The following ZZEF1 variants were observed in gnomAD, a reference collection of about 807,000 sequenced individuals.
ZZEF1 encodes zinc finger ZZ-type and EF-hand domain-containing protein 1.
In ZZEF1, 157 loss-of-function variants were observed where a neutral mutation model predicts 342.8. The ratio of observed to expected loss-of-function variants is 0.46; its 90% CI spans 0.40 to 0.52. The LOEUF (loss-of-function observed/expected upper bound fraction) is 0.52, where lower values mean the gene tolerates loss of function less well. ZZEF1 is among the 20% of genes least tolerant of loss of function. ZZEF1 has a pLI of 0.00. For missense variants in ZZEF1, 3,480 were observed against 3,725.6 expected (o/e 0.93, Z 1.72); for synonymous variants, 1,505 against 1,429.1 (o/e 1.05, Z -1.20).
intron 5 of ZZEF1, among the ~76,000 whole-genome samples, chr17:4,111,925 A>G (rs1158666279): frequency 6.9e-6 from 1 of 144,224 alleles, no homozygotes; most frequent in Non-Finnish European, 1.5e-5. Flanking sequence ...CATTCCAGCT[A>G]CTGAGACTGA....
Position 4,009,740 on chromosome 17 carries a change from G to A in ZZEF1, c.8597C>T (p.Ala2866Val), listed in dbSNP as rs140548812. ...GAGCTGCCACAGGGGCTTCAACAGC[G>A]CAAGGTCACACAGGTCACTGCAGGA... is the stretch of plus-strand genomic sequence containing the variant. ...CCGHSDLCDLALLKPLWQLFT... is the reference protein window; with the variant it reads ...CCGHSDLCDLVLLKPLWQLFT... Residue 2866 changes from alanine (A) to valine (V), a missense_variant, in exon 53 of 55, where the codon GCG becomes GTG. Physicochemically the swap from Ala to Val is moderately conservative, Grantham distance 64 (BLOSUM62 0). Around this residue, in one of 5 missense-constraint regions of ZZEF1, gnomAD observed 1,269 missense variants for 1,342.4 expected, o/e 0.95. Coordinates refer to ENST00000381638, the MANE Select transcript of ZZEF1 (RefSeq NM_015113.4). 3.2e-5 allele frequency: 52 copies of A among 1,614,048 alleles called. No individual in the cohort carries two copies. The East Asian group carries it at 7.1e-4, about 22-fold the overall frequency.
chr17:4,097,926 CAAAAA>C (rs541461547), intron 9 of ZZEF1, among the ~76,000 whole-genome samples: 2 of 63,672 alleles, frequency 3.1e-5, no homozygotes, highest in African/African-American at 6.1e-5. Context: ...CCATTTCTAC[CAAAAA>C]AAAAAAAAAA....
intron 16 of ZZEF1, among the ~76,000 whole-genome samples, chr17:4,083,547 T>C (rs1172544608): frequency 6.6e-6 from 1 of 152,148 alleles, no homozygotes; most frequent in Non-Finnish European, 1.5e-5. Context: ...CTCTTGCATA[T>C]GGAATAAGTT....
chr17:4,050,815 G>A lies in ZZEF1; in HGVS notation c.5829C>T (p.Val1943=), dbSNP rs553800356. The A allele has an allele frequency of 1.4e-5, 22 of 1,614,126 alleles. No homozygotes were observed. The African/African-American group carries it at 2.0e-4, about 15-fold the overall frequency. The stretch of plus-strand genomic sequence containing the variant: ...GATGAGCCTTCATCAGACAGTCCCC[G>A]ACGAGCTGCATGCACTGGCTCCGCA... ...TTLRSQCMQL[V]GDCLMKAHQG... Residue 1943 remains valine, a synonymous_variant, in exon 36 of 55, where the codon GTC becomes GTT. Coordinates refer to ENST00000381638, the MANE Select transcript of ZZEF1 (RefSeq NM_015113.4).
chr17:4,121,267 G>C (rs1283490302), intron 2 of ZZEF1, among the ~76,000 whole-genome samples: 2 of 152,196 alleles, frequency 1.3e-5, no homozygotes, highest in Non-Finnish European at 2.9e-5. Flanking sequence ...AGCTCCTGAT[G>C]CTATCCACAT....
Position 4,064,670 on chromosome 17 carries a change from A to G in ZZEF1, c.4409T>C (p.Phe1470Ser). Residue 1470 changes from phenylalanine (F) to serine (S), a missense_variant, in exon 29 of 55, where the codon TTC (phenylalanine) becomes TCC (serine). By Grantham distance (155) the Phe-to-Ser change is radical (BLOSUM62 -2). Transcript: ENST00000381638. ...TTCAGTGGGAGATACTGAGGCTTGG[A>G]AATGCTCTTCCACCACAGAGCTTGT... ...QRTSSVVEEH[F>S]QASVSPTEAA... 1 of 1,614,174 alleles carries G rather than the reference A, an allele frequency of 6.2e-7. No individual in the cohort carries two copies. Among genetic ancestry groups the G allele is most frequent in the Non-Finnish European group, 8.5e-7 (1 of 1,180,028 alleles).
rs1211024860 is a variant in ZZEF1 at position 4,009,668 on chromosome 17, C to T, written c.8669G>A (p.Gly2890Asp). The T allele has an allele frequency of 1.9e-6, 3 of 1,613,958 alleles. No individual in the cohort carries two copies. The highest frequency in any genetic ancestry group is 2.5e-6 in the Non-Finnish European group (3 of 1,180,050). Reference sequence around the variant, plus strand: ...GGCACGATGCAGGGGAAGGAGGATGCCGGGCTGCGTCACGTCCTCAAACAG... The same window carrying T: ...GGCACGATGCAGGGGAAGGAGGATGTCGGGCTGCGTCACGTCCTCAAACAG... ...YGLFEDVTQPGILLPLHRALT... is the reference protein window; with the variant it reads ...YGLFEDVTQPDILLPLHRALT... Residue 2890 changes from glycine to aspartate, a missense_variant, in exon 53 of 55, where the codon GGC becomes GAC. Transcript: ENST00000381638.
Position 4,022,848 on chromosome 17 carries a change from T to A in ZZEF1, c.7093-20A>T. 6.2e-7 allele frequency: 1 copy of A among 1,612,830 alleles called. No individual in the cohort carries two copies. Among genetic ancestry groups the A allele is most frequent in the Non-Finnish European group, 8.5e-7 (1 of 1,179,300 alleles). On this transcript the variant is annotated intron_variant, in intron 43 of 54. Coordinates refer to ENST00000381638, the MANE Select transcript of ZZEF1 (RefSeq NM_015113.4). The stretch of plus-strand genomic sequence containing the variant: ...GTGAGCCTGCCAAGCAGAAGAAGAA[T>A]GATGTGTGACTGCCTTGGAGTGAAG...
intron 1 of ZZEF1, among the ~76,000 whole-genome samples, chr17:4,134,825 T>C (rs2058722955): frequency 6.6e-6 from 1 of 151,732 alleles, no homozygotes; most frequent in Non-Finnish European, 1.5e-5. Flanking sequence ...TTAGGGGAAA[T>C]GGCCCAGAAA....
At chr17:4,100,474 G>A (rs2058108620) in intron 9 of ZZEF1, among the ~76,000 whole-genome samples, 1 of 152,166 alleles carries the variant, frequency 6.6e-6, no homozygotes, top group African/African-American at 2.4e-5. Context: ...AAAGCAGGAA[G>A]GAGAACTGGG....
chr17:4,049,626 C>T, intron 37 of ZZEF1, 82 bp downstream of exon 37: 1 of 1,546,182 alleles, frequency 6.5e-7, no homozygotes, highest in South Asian at 1.2e-5. Flanking sequence ...GTGCTCTTAA[C>T]CTCTCTGCTA....
At position 4,109,706 on chromosome 17, in the gene ZZEF1, C is replaced by T. The variant is rs769344006; in HGVS notation, c.1224G>A (p.Thr408=). The change falls in exon 6 of 55, where the codon ACG becomes ACA. Residue 408 remains threonine, a synonymous_variant. Coordinates refer to ENST00000381638, the MANE Select transcript of ZZEF1 (RefSeq NM_015113.4). ...AGGCGGGATTTGTCTCCATAGAAGC[C>T]GTCACCAGAGATGTCAGCAGAGACC... ...WYWSLLTSLV[T]ASMETNPAFV... The T allele has an allele frequency of 8.1e-6, 13 of 1,614,130 alleles. No homozygotes were observed. The highest frequency in any genetic ancestry group is 1.0e-5 in the Non-Finnish European group (12 of 1,180,016).
chr17:4,089,482 A>C (rs2057904228), intron 12 of ZZEF1, among the ~76,000 whole-genome samples: 1 of 152,220 alleles, frequency 6.6e-6, no homozygotes, highest in African/African-American at 2.4e-5. Context: ...TTACTTATTT[A>C]AGCCTGAGAT....
chr17:4,053,224 T>C lies in ZZEF1; in HGVS notation c.5434+833A>G, dbSNP rs189608945. 2.5e-3 allele frequency among the ~76,000 whole-genome samples: 381 copies of C among 152,320 alleles called. 3 individuals carry two copies. The highest frequency in any genetic ancestry group is 8.6e-3 in the African/African-American group (357 of 41,584). ...GCTGTCTCTAGACTATTCAAACTCC[T>C]TAGCCTAGTATCTTGGGGTCCCACA... On this transcript the variant is annotated intron_variant, in intron 34 of 54. Transcript: ENST00000381638.
chr17:4,072,540 A>C, intron 25 of ZZEF1, 68 bp downstream of exon 25: 3 of 1,489,540 alleles, frequency 2.0e-6, no homozygotes, highest in Non-Finnish European at 2.7e-6. Flanking sequence ...AAGTGTTTAT[A>C]ACTTAAAGTA....
chr17:4,140,895 CACTA>C (rs1276109517), intron 1 of ZZEF1, among the ~76,000 whole-genome samples: 2 of 146,518 alleles, frequency 1.4e-5, no homozygotes, highest in African/African-American at 4.9e-5. Flanking sequence ...GGAGATCTTT[CACTA>C]ACTAATATGA....
At chr17:4,013,354 T>G (rs548580948) in intron 52 of ZZEF1, 95 bp downstream of exon 52, 3 of 1,250,176 alleles carry the variant, frequency 2.4e-6, no homozygotes, top group Non-Finnish European at 2.1e-6. Flanking sequence ...ACAAATGTCT[T>G]TTCATCAAAG....
rs753073287 is a variant in ZZEF1, at chr17:4,054,065, C to A, written c.5426G>T (p.Cys1809Phe). 6.2e-7 allele frequency: 1 copy of A among 1,609,816 alleles called. No homozygotes were observed. Among genetic ancestry groups the A allele is most frequent in the Non-Finnish European group, 8.5e-7 (1 of 1,177,718 alleles). Residue 1809 changes from cysteine to phenylalanine, a missense_variant, in exon 34 of 55, where the codon TGC becomes TTC. By Grantham distance (205) the Cys-to-Phe change is radical (BLOSUM62 -2). Coordinates refer to ENST00000381638, the MANE Select transcript of ZZEF1 (RefSeq NM_015113.4). ...QCSDMDLCKT[C>F]FLGGVKPEGH... ...CAGTTCATGAAATTTACCTAGGAAG[C>A]AAGTTTTGCAGAGATCCATGTCGCT...
chr17:4,119,134 G>A (rs2058444173), intron 2 of ZZEF1, among the ~76,000 whole-genome samples: 1 of 152,242 alleles, frequency 6.6e-6, no homozygotes, highest in Admixed American at 6.5e-5. Context: ...ATCAATGGCT[G>A]CATACCAAGT....
Sources: allele counts gnomAD v4.1 joint callset (sites outside exome capture counted in the v4.1 genomes callset), GRCh38; gene constraint gnomAD v4.1.1; regional missense constraint gnomAD v4.1.1; transcripts MANE v1.5; gene names NCBI Gene and HGNC (gene_info 2026-07-23, HGNC 2026-07-21).